The following ZNF536 variants were observed in gnomAD, a reference collection of about 807,000 sequenced individuals.
ZNF536 encodes the protein zinc finger protein 536.
ZNF536 carries 13 observed loss-of-function variants against 84.5 expected under a neutral mutation model. The observed-to-expected ratio is 0.15, with a 90% CI of 0.10 to 0.24. The LOEUF (loss-of-function observed/expected upper bound fraction) is 0.24. ZNF536 is among the 10% of genes least tolerant of loss of function. ZNF536 has a pLI of 1.00. For missense variants in ZNF536, 1,536 were observed against 1,747.5 expected (o/e 0.88, Z 2.16); for synonymous variants, 811 against 742.5 (o/e 1.09, Z -1.50).
intron 1 of ZNF536, among the ~76,000 whole-genome samples, chr19:30,235,351 A>C (rs960503980): frequency 2.0e-5 from 3 of 152,206 alleles, no homozygotes; most frequent in African/African-American, 7.2e-5. Context: ...TGTCCTTAGC[A>C]CTGAGAACAA....
chr19:30,535,425 G>T (rs927607178), intron 3 of ZNF536, among the ~76,000 whole-genome samples: 1 of 152,172 alleles, frequency 6.6e-6, no homozygotes, highest in African/African-American at 2.4e-5. Context: ...CAAGCATCCA[G>T]GTAGAATAGG....
chr19:30,657,691 A>C (rs1016931549), intron 1 of ZNF536, among the ~76,000 whole-genome samples: 4 of 152,254 alleles, frequency 2.6e-5, no homozygotes, highest in African/African-American at 9.6e-5. Context: ...CTTCTCCAGA[A>C]TTTCTTCTCT....
chr19:30,501,763 A>G (rs2054958406), intron 2 of ZNF536, among the ~76,000 whole-genome samples: 1 of 152,248 alleles, frequency 6.6e-6, no homozygotes, highest in Admixed American at 6.5e-5. Flanking sequence ...GGCATGAGGC[A>G]CATCCTATTT....
intron 2 of ZNF536, among the ~76,000 whole-genome samples, chr19:30,510,783 C>T (rs1198812760): frequency 6.6e-6 from 1 of 152,206 alleles, no homozygotes; most frequent in African/African-American, 2.4e-5. Context: ...ATCCTCATCG[C>T]CTTGGACTGG....
intron 2 of ZNF536, among the ~76,000 whole-genome samples, chr19:30,484,031 C>A (rs1319511386): frequency 6.6e-6 from 1 of 152,010 alleles, no homozygotes; most frequent in East Asian, 1.9e-4. Flanking sequence ...TGGAAGTCAT[C>A]CCCCTGACCC....
intron 1 of ZNF536, among the ~76,000 whole-genome samples, chr19:30,678,269 G>A (rs1344873301): frequency 6.6e-6 from 1 of 152,174 alleles, no homozygotes; most frequent in Non-Finnish European, 1.5e-5. Flanking sequence ...CAGGATGCGG[G>A]ACAGGTTAGG....
At chr19:30,285,290 C>G (rs2045587835) in intron 2 of ZNF536, among the ~76,000 whole-genome samples, 2 of 152,086 alleles carry the variant, frequency 1.3e-5, no homozygotes. Flanking sequence ...AATTCTTTGC[C>G]TTAGTAATCC....
intron 1 of ZNF536, among the ~76,000 whole-genome samples, chr19:30,699,335 T>C (rs1357947611): frequency 6.6e-6 from 1 of 152,196 alleles, no homozygotes; most frequent in Non-Finnish European, 1.5e-5. Flanking sequence ...ACATCTATAT[T>C]ATAAATATGA....
At chr19:30,347,120 T>TTTTTTTTTTTTTC (rs10678520) in intron 2 of ZNF536, among the ~76,000 whole-genome samples, 1 of 147,362 alleles carries the variant, frequency 6.8e-6, no homozygotes, top group Non-Finnish European at 1.5e-5. Flanking sequence ...TTTTTTTTTT[T>TTTTTTTTTTTTTC]ATATGATTCT....
At chr19:30,319,164 G>A (rs1224417424) in intron 2 of ZNF536, among the ~76,000 whole-genome samples, 4 of 152,178 alleles carry the variant, frequency 2.6e-5, no homozygotes, top group Non-Finnish European at 5.9e-5. Context: ...GGAGTTACAG[G>A]GTCCGCACGC....
At chr19:30,440,846 T>C (rs2052003331) in intron 1 of ZNF536, among the ~76,000 whole-genome samples, 2 of 151,806 alleles carry the variant, frequency 1.3e-5, no homozygotes, top group South Asian at 4.2e-4. Flanking sequence ...TTTAAAGACC[T>C]TAAAGAGATT....
At chr19:30,405,216 T>C (rs1208250515) in intron 1 of ZNF536, among the ~76,000 whole-genome samples, 3 of 151,912 alleles carry the variant, frequency 2.0e-5, no homozygotes. Context: ...TTGGGGAGGG[T>C]CTTAAGACCC....
chr19:30,540,520 G>T (rs10409999), intron 3 of ZNF536, among the ~76,000 whole-genome samples: 3,155 of 152,102 alleles, frequency 0.021, 106 homozygotes, highest in African/African-American at 0.072. Flanking sequence ...GCATTAACTC[G>T]CTCCTTCATC....
At chr19:30,431,993 A>G (rs2051483782) in intron 1 of ZNF536, among the ~76,000 whole-genome samples, 1 of 139,704 alleles carries the variant, frequency 7.2e-6, no homozygotes, top group Non-Finnish European at 1.5e-5. Flanking sequence ...CATTAAAAGC[A>G]TATATATATA....
intron 1 of ZNF536, among the ~76,000 whole-genome samples, chr19:30,394,267 A>C (rs1360629338): frequency 6.6e-6 from 1 of 152,214 alleles, no homozygotes; most frequent in Non-Finnish European, 1.5e-5. Context: ...AAGCCAGTCC[A>C]ACAGGTGTGC....
At chr19:30,498,405 A>G (rs1410640646) in intron 2 of ZNF536, among the ~76,000 whole-genome samples, 1 of 152,066 alleles carries the variant, frequency 6.6e-6, no homozygotes, top group African/African-American at 2.4e-5. Flanking sequence ...ACATGGACAC[A>G]GGGAGGGGAA....
chr19:30,629,353 C>T (rs2033414122), intron 1 of ZNF536, among the ~76,000 whole-genome samples: 1 of 152,104 alleles, frequency 6.6e-6, no homozygotes, highest in Non-Finnish European at 1.5e-5. Flanking sequence ...GCAGGTATCA[C>T]CGTGCCTTTC....
chr19:30,231,641 A>G (rs940455672), intron 1 of ZNF536, among the ~76,000 whole-genome samples: 2 of 152,094 alleles, frequency 1.3e-5, no homozygotes, highest in Admixed American at 6.5e-5. Context: ...TTTGCCAAGG[A>G]GAGGGATTGG....
At chr19:30,237,463 G>A (rs775764775) in intron 1 of ZNF536, among the ~76,000 whole-genome samples, 14 of 152,118 alleles carry the variant, frequency 9.2e-5, no homozygotes, top group Non-Finnish European at 4.4e-5. Flanking sequence ...ATCATAATAT[G>A]ATAATTTGAG....
Sources: allele counts gnomAD v4.1 joint callset (sites outside exome capture counted in the v4.1 genomes callset), GRCh38; gene constraint gnomAD v4.1.1; transcripts MANE v1.5; gene names NCBI Gene and HGNC (gene_info 2026-07-23, HGNC 2026-07-21).